Variants in SOX5 observed in about 807,000 individuals in gnomAD.
SOX5 encodes SRY-box transcription factor 5.
In SOX5, 9 loss-of-function variants were observed where a neutral mutation model predicts 92.0. The ratio of observed to expected loss-of-function variants is 0.10; its 90% CI spans 0.06 to 0.17. SOX5 has a LOEUF of 0.17. Ranked by LOEUF, SOX5 falls within the 10% of genes least tolerant of loss-of-function variation. The pLI is 1.00. For missense variants in SOX5, 642 were observed against 944.5 expected, an observed-to-expected ratio of 0.68 and a Z score of 4.20; for synonymous variants, 344 against 336.3, an observed-to-expected ratio of 1.02 and a Z score of -0.25.
chr12:24,221,654 C>T (rs1374380122), intron 3 of SOX5, among the ~76,000 whole-genome samples: 1 of 152,154 alleles, frequency 6.6e-6, no homozygotes. Flanking sequence ...CAGCAGGGAA[C>T]AAAATGGACA....
chr12:23,853,113 TATATATATATAC>T (rs2096650606), intron 2 of SOX5, among the ~76,000 whole-genome samples: 2 of 148,006 alleles, frequency 1.4e-5, no homozygotes, highest in Non-Finnish European at 3.0e-5. Context: ...GCAAAAATTA[TATATATATATAC>T]ATATATATAT....
intron 4 of SOX5, among the ~76,000 whole-genome samples, chr12:24,201,235 C>T (rs1440383229): frequency 1.3e-5 from 2 of 152,104 alleles, no homozygotes; most frequent in Non-Finnish European, 2.9e-5. Context: ...AAAAGTATTT[C>T]CACTCCATGT....
intron 4 of SOX5, among the ~76,000 whole-genome samples, chr12:23,981,807 C>T (rs998868443): frequency 6.6e-6 from 1 of 152,000 alleles, no homozygotes; most frequent in African/African-American, 2.4e-5. Context: ...TTCTCAATAT[C>T]CAAGTTATTC....
chr12:24,244,532 C>T (rs1408023114), intron 3 of SOX5, among the ~76,000 whole-genome samples: 1 of 152,200 alleles, frequency 6.6e-6, no homozygotes, highest in Non-Finnish European at 1.5e-5. Context: ...CTAGCACAGG[C>T]CCCTAGGTAG....
chr12:23,951,655 C>T (rs561936422), upstream of SOX5, among the ~76,000 whole-genome samples: 71 of 150,696 alleles, frequency 4.7e-4, no homozygotes, highest in South Asian at 9.0e-3. Flanking sequence ...TATATATATA[C>T]ACACACACAC....
At chr12:24,042,707 ATTTCACTGGGTGTGTAC>A (rs1198090175) in intron 4 of SOX5, among the ~76,000 whole-genome samples, 1 of 152,232 alleles carries the variant, frequency 6.6e-6, no homozygotes, top group East Asian at 1.9e-4. Context: ...AAGATATTTT[ATTTCACTGGGTGTGTAC>A]TTGCACTGAG....
rs186922048 is a variant in SOX5, at chr12:24,446,791, C to A, written c.-250-78152G>T. Among the ~76,000 whole-genome samples the A allele has an allele frequency of 3.1e-3, 478 of 152,070 alleles. 1 individual carries two copies. The highest frequency in any genetic ancestry group is 5.1e-3 in the Non-Finnish European group (350 of 67,982). On this transcript the variant is annotated intron_variant, in intron 1 of 4. Coordinates refer to the SOX5 transcript ENST00000446891. Reference sequence around the variant, plus strand: ...TATGTTTTATATCAACAATTCCCCCCAAAAAACAATAGCACACTATAAGAT... The same window carrying A: ...TATGTTTTATATCAACAATTCCCCCAAAAAAACAATAGCACACTATAAGAT...
rs567616066 is a variant in SOX5 at position 24,217,925 on chromosome 12, C to T, written c.-76-4508G>A. 3.3e-5 allele frequency among the ~76,000 whole-genome samples: 5 copies of T among 152,284 alleles called. No homozygotes were observed. The East Asian group carries it at 9.6e-4, about 29-fold the overall frequency. Reference sequence around the variant, plus strand: ...GAAATGTAAACCAAAGCCACAATGACATGCCACTATATATCCACTAGGATG... The same window carrying T: ...GAAATGTAAACCAAAGCCACAATGATATGCCACTATATATCCACTAGGATG... On this transcript the variant is annotated intron_variant, in intron 3 of 4. Coordinates refer to the SOX5 transcript ENST00000446891.
intron 6 of SOX5, among the ~76,000 whole-genome samples, chr12:23,681,114 CA>C (rs1200745796): frequency 6.6e-6 from 1 of 151,846 alleles, no homozygotes; most frequent in Non-Finnish European, 1.5e-5. Flanking sequence ...CTCAATTCAA[CA>C]ATATTAGCAT....
At chr12:24,350,455 C>T (rs982749286) in intron 2 of SOX5, among the ~76,000 whole-genome samples, 1 of 152,266 alleles carries the variant, frequency 6.6e-6, no homozygotes, top group East Asian at 1.9e-4. Context: ...AGAATCCTCC[C>T]ACCTCAGCCT....
At chr12:24,314,191 AG>A (rs1949480394) in intron 2 of SOX5, among the ~76,000 whole-genome samples, 1 of 152,108 alleles carries the variant, frequency 6.6e-6, no homozygotes, top group African/African-American at 2.4e-5. Flanking sequence ...CTGCAGCCAG[AG>A]TGATCCTTTT....
At chr12:24,236,852 G>T (rs1309060168) in intron 3 of SOX5, among the ~76,000 whole-genome samples, 2 of 151,988 alleles carry the variant, frequency 1.3e-5, no homozygotes, top group Non-Finnish European at 2.9e-5. Flanking sequence ...AAACACGTGG[G>T]GGCACTGAGT....
chr12:24,050,230 A>G (rs1957438875), intron 4 of SOX5, among the ~76,000 whole-genome samples: 7 of 152,152 alleles, frequency 4.6e-5, no homozygotes, highest in Admixed American at 4.6e-4. Context: ...TCAAGGTAGA[A>G]AAATCACCAG....
intron 4 of SOX5, among the ~76,000 whole-genome samples, chr12:24,101,071 A>G (rs1336086425): frequency 2.0e-5 from 3 of 152,080 alleles, no homozygotes; most frequent in South Asian, 2.1e-4. Flanking sequence ...AGAGTGAACA[A>G]TCATCTTTAA....
chr12:24,023,554 CA>C, intron 4 of SOX5, among the ~76,000 whole-genome samples: 1 of 152,182 alleles, frequency 6.6e-6, no homozygotes, highest in East Asian at 1.9e-4. Flanking sequence ...AAATTACACT[CA>C]ACAAAATAAG....
chr12:23,786,496 T>A (rs1269638928), intron 3 of SOX5, among the ~76,000 whole-genome samples: 13 of 151,094 alleles, frequency 8.6e-5, no homozygotes, highest in Admixed American at 3.9e-4. Context: ...CTAAAACATT[T>A]AATAAACACC....
At chr12:23,638,234 CA>C (rs909647174) in intron 8 of SOX5, 1 of 152,214 alleles carries the variant, frequency 6.6e-6, no homozygotes, top group African/African-American at 2.4e-5. Flanking sequence ...TGCACAGGAA[CA>C]AAATTGGAGC....
intron 3 of SOX5, among the ~76,000 whole-genome samples, chr12:24,245,217 AT>A (rs1938404092): frequency 6.9e-6 from 1 of 144,172 alleles, no homozygotes; most frequent in African/African-American, 2.6e-5. Context: ...TAAGAGCATC[AT>A]TTGTGTTTGG....
At chr12:24,319,467 C>T (rs1950006803) in intron 2 of SOX5, among the ~76,000 whole-genome samples, 1 of 152,160 alleles carries the variant, frequency 6.6e-6, no homozygotes, top group African/African-American at 2.4e-5. Context: ...TCCTTTATGT[C>T]CCATAATCAA....
Sources: allele counts gnomAD v4.1 joint callset (sites outside exome capture counted in the v4.1 genomes callset), GRCh38; gene constraint gnomAD v4.1.1; transcripts MANE v1.5; gene names NCBI Gene and HGNC (gene_info 2026-07-23, HGNC 2026-07-21).